MARCKS: variants seen among roughly 807,000 people sequenced by gnomAD.
MARCKS encodes the protein myristoylated alanine-rich C-kinase substrate.
Under a neutral mutation model 6.3 loss-of-function variants are expected in MARCKS, and 4 were observed. That is an observed-to-expected ratio of 0.63 (90% CI 0.31 to 1.45). The LOEUF (loss-of-function observed/expected upper bound fraction) is 1.45. MARCKS is among the 40% of genes most tolerant of loss of function. MARCKS has a pLI of 0.07. For synonymous variants in MARCKS, 289 were observed against 236.5 expected (o/e 1.22, Z -2.04); for missense variants, 636 against 485.7 (o/e 1.31, Z -2.91).
At position 113,860,581 on chromosome 6, in the gene MARCKS, A is replaced by G; in HGVS notation, c.*2A>G. On this transcript the variant is annotated 3_prime_UTR_variant, in exon 2 of 2. Transcript: ENST00000612661. ...CCCCCAGCGGAGGCGGCAGAGTAAA[A>G]GAGCAAGCTTTTGTGAGATAATCGA... is the stretch of plus-strand genomic sequence containing the variant. The G allele has an allele frequency of 1.3e-6, 2 of 1,547,910 alleles. No homozygotes were observed. The highest frequency in any genetic ancestry group is 2.0e-5 in the Admixed American group (1 of 48,954).
In MARCKS at chr6:113,860,055, T is replaced by A; in HGVS notation, c.475T>A (p.Ser159Thr). The stretch of plus-strand genomic sequence containing the variant: ...CCCGAAAAAAAAAAAGAAGCGCTTT[T>A]CCTTCAAGAAGTCTTTCAAGCTGAG... ...ETPKKKKKRF[S>T]FKKSFKLSGF... Residue 159 changes from serine (S) to threonine (T), a missense_variant, in exon 2 of 2, where the codon TCC (serine) becomes ACC (threonine). Physicochemically the swap from Ser to Thr is moderately conservative, Grantham distance 58. Transcript: ENST00000612661. 1 of 1,574,594 alleles carries A rather than the reference T, an allele frequency of 6.4e-7. No homozygotes were observed. Among genetic ancestry groups the A allele is most frequent in the Non-Finnish European group, 8.6e-7 (1 of 1,162,754 alleles).
Position 113,860,519 on chromosome 6 carries a change from C to G in MARCKS, c.939C>G (p.Pro313=). 2 of 1,551,972 alleles carry G rather than the reference C, an allele frequency of 1.3e-6. No individual in the cohort carries two copies. The highest frequency in any genetic ancestry group is 2.7e-5 in the East Asian group (1 of 37,404). The part of the protein sequence containing the change: ...AAAASSACAA[P]SQEAQPECSP... ...CAGCCTCGTCAGCCTGCGCAGCCCC[C>G]TCACAGGAGGCCCAGCCCGAGTGCA... The change falls in exon 2 of 2, where the codon CCC becomes CCG. Residue 313 remains proline, a synonymous_variant. Coordinates refer to ENST00000612661, the MANE Select transcript of MARCKS (RefSeq NM_002356.7).
At position 113,860,206 on chromosome 6, in the gene MARCKS, C is replaced by T. The variant is rs1222663085; in HGVS notation, c.626C>T (p.Ala209Val). 27 of 1,117,444 alleles carry T rather than the reference C, an allele frequency of 2.4e-5. No individual in the cohort carries two copies. The highest frequency in any genetic ancestry group is 3.0e-5 in the Non-Finnish European group (27 of 910,878). 69.2% of individuals were successfully genotyped at this position (1,117,444 alleles called of 1,614,324 possible). A position where few individuals can be genotyped will look rare whatever the true frequency, so the allele number is the denominator to read the frequency against. The change falls in exon 2 of 2, where the codon GCG becomes GTG. Residue 209 changes from alanine to valine, a missense_variant. Ala to Val is a moderately conservative substitution (Grantham distance 64). Transcript: ENST00000612661. ...GCTGCGGCCGCCGCCGAGGCGGGCG[C>T]GGCCTCCGGGGAGCAGGCAGCGGCG... ...GAAAAAAEAGAASGEQAAAPG... is the reference protein window; with the variant it reads ...GAAAAAAEAGVASGEQAAAPG...
rs1774933573 is a variant in MARCKS at position 113,863,434 on chromosome 6, C to G, written c.*2855C>G. ...TTATAATAATCATTTGATCCAATTCCTATTGCTTGTAAAATAAAGTTTTAC... is the reference window on the plus strand; with the variant it reads ...TTATAATAATCATTTGATCCAATTCGTATTGCTTGTAAAATAAAGTTTTAC... On this transcript the variant is annotated 3_prime_UTR_variant, in exon 2 of 2. Transcript: ENST00000612661. 1 of 152,088 alleles carries G rather than the reference C, an allele frequency of 6.6e-6. No individual in the cohort carries two copies. Among genetic ancestry groups the G allele is most frequent in the African/African-American group, 2.4e-5 (1 of 41,424 alleles). The allele number at this position is 152,088 out of a possible 1,614,324, so 9.4% of individuals were successfully genotyped here. A position where few individuals can be genotyped will look rare whatever the true frequency, so the allele number is the denominator to read the frequency against.
chr6:113,859,945 C>T lies in MARCKS; in HGVS notation c.365C>T (p.Ala122Val). ...EAAEPGSPTAAEGEAASAASS... is the reference protein window; with the variant it reads ...EAAEPGSPTAVEGEAASAASS... ...GCCGAGCCCGGCTCGCCCACGGCCG[C>T]GGAGGGAGAGGCCGCGTCGGCCGCC... Residue 122 changes from alanine (A) to valine (V), a missense_variant, in exon 2 of 2, where the codon GCG becomes GTG. By Grantham distance (64) the Ala-to-Val change is moderately conservative. Transcript: ENST00000612661. 2 of 1,493,990 alleles carry T rather than the reference C, an allele frequency of 1.3e-6. No individual in the cohort carries two copies. The highest frequency in any genetic ancestry group is 1.8e-6 in the Non-Finnish European group (2 of 1,127,226). The allele number at this position is 1,493,990 out of a possible 1,614,324, so 92.5% of individuals were successfully genotyped here. A position where few individuals can be genotyped will look rare whatever the true frequency, so the allele number is the denominator to read the frequency against.
At chr6:113,858,624 C>T (rs968378972) in intron 1 of MARCKS, among the ~76,000 whole-genome samples, 5 of 152,204 alleles carry the variant, frequency 3.3e-5, no homozygotes, top group Admixed American at 2.0e-4. Context: ...GAGGGGCCGC[C>T]CGGCGCTGCC....
At position 113,860,457 on chromosome 6, in the gene MARCKS, C is replaced by G. The variant is rs1421425303; in HGVS notation, c.877C>G (p.Gln293Glu). The G allele has an allele frequency of 7.4e-7, 1 of 1,350,958 alleles. No homozygotes were observed. Among genetic ancestry groups the G allele is most frequent in the Non-Finnish European group, 9.6e-7 (1 of 1,039,220 alleles). The allele number at this position is 1,350,958 out of a possible 1,614,324, so 83.7% of individuals were successfully genotyped here. ...SAAGPGAPPE[Q>E]EAAPAEEPAA... ...CGCCGGGCCCGGCGCGCCCCCGGAG[C>G]AGGAGGCAGCCCCCGCGGAGGAGCC... Residue 293 changes from glutamine (Q) to glutamate (E), a missense_variant, in exon 2 of 2, where the codon CAG (glutamine) becomes GAG (glutamate). By Grantham distance (29) the Gln-to-Glu change is conservative. Transcript: ENST00000612661.
chr6:113,859,510 G>A (rs1774842271), intron 1 of MARCKS, among the ~76,000 whole-genome samples, 173 bp from the exon 2 acceptor site: 1 of 152,056 alleles, frequency 6.6e-6, no homozygotes, highest in Non-Finnish European at 1.5e-5. Flanking sequence ...CCTCGTTCGT[G>A]GGGCTCTCTT....
rs1774866227 is a variant in MARCKS, at chr6:113,860,121, G to A, written c.541G>A (p.Gly181Ser). Residue 181 changes from glycine to serine, a missense_variant, in exon 2 of 2, where the codon GGC becomes AGC. Gly to Ser is a moderately conservative substitution (Grantham distance 56). Coordinates refer to ENST00000612661, the MANE Select transcript of MARCKS (RefSeq NM_002356.7). ...GAAGAACAAGAAGGAGGCTGGAGAA[G>A]GCGGTGAGGCTGAGGCGCCCGCTGC... Reference protein sequence around the residue: ...FKKNKKEAGEGGEAEAPAAEG... With the variant: ...FKKNKKEAGESGEAEAPAAEG... 3 of 1,541,172 alleles carry A rather than the reference G, an allele frequency of 1.9e-6. No individual in the cohort carries two copies. Among genetic ancestry groups the A allele is most frequent in the African/African-American group, 2.9e-5 (2 of 69,806 alleles).
Position 113,862,010 on chromosome 6 carries a change from A to T in MARCKS, c.*1431A>T, listed in dbSNP as rs1199943856. On this transcript the variant is annotated 3_prime_UTR_variant, in exon 2 of 2. Coordinates refer to ENST00000612661, the MANE Select transcript of MARCKS (RefSeq NM_002356.7). ...TTCCATGTCAAATCTGTTACCATTT[A>T]TTGGCATTTAGTTTTCATTTAAGAA... The T allele has an allele frequency of 1.3e-5, 2 of 152,104 alleles. No individual in the cohort carries two copies. Among genetic ancestry groups the T allele is most frequent in the Non-Finnish European group, 1.5e-5 (1 of 67,968 alleles). 9.4% of individuals were successfully genotyped at this position (152,104 alleles called of 1,614,324 possible). A position where few individuals can be genotyped will look rare whatever the true frequency, so the allele number is the denominator to read the frequency against.
In MARCKS at chr6:113,860,535, C is replaced by T. The variant is rs147240197; in HGVS notation, c.955C>T (p.Pro319Ser). 5.6e-5 allele frequency: 88 copies of T among 1,561,308 alleles called. No individual in the cohort carries two copies. The African/African-American group carries it at 9.8e-4, about 17-fold the overall frequency. ...ACAAPSQEAQ[P>S]ECSPEAPPAE... ...CGCAGCCCCCTCACAGGAGGCCCAG[C>T]CCGAGTGCAGTCCAGAAGCCCCCCC... is the stretch of plus-strand genomic sequence containing the variant. Residue 319 changes from proline (P) to serine (S), a missense_variant, in exon 2 of 2, where the codon CCC becomes TCC. Pro to Ser is a moderately conservative substitution (Grantham distance 74). Coordinates refer to ENST00000612661, the MANE Select transcript of MARCKS (RefSeq NM_002356.7).
rs1774913216 is a variant in MARCKS at position 113,862,364 on chromosome 6, G to C, written c.*1785G>C. ...AACAGGTTTATGTAACAAAGTAATG[G>C]TGTTGAATGGATGATGTCAGTTCAT... is the stretch of plus-strand genomic sequence containing the variant. On this transcript the variant is annotated 3_prime_UTR_variant, in exon 2 of 2. Transcript: ENST00000612661. 6.6e-6 allele frequency: 1 copy of C among 150,680 alleles called. No homozygotes were observed. Among genetic ancestry groups the C allele is most frequent in the South Asian group, 2.1e-4 (1 of 4,786 alleles). 9.3% of individuals were successfully genotyped at this position (150,680 alleles called of 1,614,324 possible).
intron 1 of MARCKS, 73 bp from the exon 2 acceptor site, chr6:113,859,610 G>C: frequency 1.5e-6 from 2 of 1,312,028 alleles, no homozygotes; most frequent in Non-Finnish European, 2.0e-6. Context: ...GGGCACTCCC[G>C]GTCCAGGGCT....
At chr6:113,858,977 T>G (rs1402600232) in intron 1 of MARCKS, among the ~76,000 whole-genome samples, 1 of 152,066 alleles carries the variant, frequency 6.6e-6, no homozygotes, top group Non-Finnish European at 1.5e-5. Context: ...TGCGGACTGT[T>G]GGGCTGCGCG....
At chr6:113,859,411 G>A (rs536749561) in intron 1 of MARCKS, among the ~76,000 whole-genome samples, 32 of 152,302 alleles carry the variant, frequency 2.1e-4, no homozygotes, top group African/African-American at 7.2e-4. Flanking sequence ...TTCGTCTTTA[G>A]GGCACTTGCT....
In MARCKS at chr6:113,863,106, AT is replaced by A; in HGVS notation, c.*2530del. On this transcript the variant is annotated 3_prime_UTR_variant, in exon 2 of 2. Transcript: ENST00000612661. ...TAAGTTTGTTCTTTTAACAGCTGGA[AT>A]TTATTAAGATGCATTATTTTGATTT... The A allele has an allele frequency of 6.6e-6, 1 of 152,322 alleles. No individual in the cohort carries two copies. Among genetic ancestry groups the A allele is most frequent in the East Asian group, 1.9e-4 (1 of 5,188 alleles). 9.4% of individuals were successfully genotyped at this position (152,322 alleles called of 1,614,324 possible). A position where few individuals can be genotyped will look rare whatever the true frequency, so the allele number is the denominator to read the frequency against.
Position 113,859,923 on chromosome 6 carries a change from G to C in MARCKS, c.343G>C (p.Glu115Gln). ...GGCCCCCGCGGAAGGCGAGGCTGCCGAGCCCGGCTCGCCCACGGCCGCGGA... is the reference window on the plus strand; with the variant it reads ...GGCCCCCGCGGAAGGCGAGGCTGCCCAGCCCGGCTCGCCCACGGCCGCGGA... ...KEAPAEGEAA[E>Q]PGSPTAAEGE... The change falls in exon 2 of 2, where the codon GAG (glutamate) becomes CAG (glutamine). Residue 115 changes from glutamate (E) to glutamine (Q), a missense_variant. Transcript: ENST00000612661. The C allele has an allele frequency of 1.4e-6, 2 of 1,466,490 alleles. No individual in the cohort carries two copies. Among genetic ancestry groups the C allele is most frequent in the Non-Finnish European group, 1.8e-6 (2 of 1,112,892 alleles). The allele number at this position is 1,466,490 out of a possible 1,614,324, so 90.8% of individuals were successfully genotyped here.
At chr6:113,857,870 G>A (rs745793698) in intron 1 of MARCKS, 23 bp downstream of exon 1, 39 of 1,561,044 alleles carry the variant, frequency 2.5e-5, no homozygotes, top group Non-Finnish European at 2.4e-5. Flanking sequence ...TGTGGTTGTG[G>A]TCATTTATTT....
At position 113,860,642 on chromosome 6, in the gene MARCKS, G is replaced by A; in HGVS notation, c.*63G>A. The A allele has an allele frequency of 8.1e-7, 1 of 1,230,944 alleles. No homozygotes were observed. Among genetic ancestry groups the A allele is most frequent in the African/African-American group, 1.6e-5 (1 of 62,054 alleles). The allele number at this position is 1,230,944 out of a possible 1,614,324, so 76.3% of individuals were successfully genotyped here. ...TCCCCCGTTTGTTTGTTGGAGTGGT[G>A]CCAGGTACTGGTTTTGGAGAACTTG... On this transcript the variant is annotated 3_prime_UTR_variant, in exon 2 of 2. Transcript: ENST00000612661.
Sources: allele counts gnomAD v4.1 joint callset (sites outside exome capture counted in the v4.1 genomes callset), GRCh38; gene constraint gnomAD v4.1.1; transcripts MANE v1.5; gene names NCBI Gene and HGNC (gene_info 2026-07-23, HGNC 2026-07-21).